Variants in SDCCAG8 observed in about 807,000 individuals in gnomAD.
SDCCAG8 encodes serologically defined colon cancer antigen 8.
A neutral mutation model predicts 101.8 loss-of-function variants in SDCCAG8; 74 were observed. The observed-to-expected ratio is 0.73, with a 90% confidence interval of 0.60 to 0.88. The LOEUF (loss-of-function observed/expected upper bound fraction) is 0.88, where lower values mean the gene tolerates loss of function less well. SDCCAG8 is among the 40% of genes least tolerant of loss of function. The pLI is 0.00. For synonymous variants in SDCCAG8, 281 were observed against 292.9 expected (o/e 0.96, Z 0.41); for missense variants, 787 against 822.6 (o/e 0.96, Z 0.53).
In SDCCAG8 at chr1:243,426,570, T is replaced by A; in HGVS notation, c.1985+12T>A. 6.2e-7 allele frequency: 1 copy of A among 1,613,856 alleles called. No individual in the cohort carries two copies. The highest frequency in any genetic ancestry group is 8.5e-7 in the Non-Finnish European group (1 of 1,179,844). ...ACGATGAAGCAAAGGTAATCAAGGT[T>A]TCATGTCAACTCATGTGCCGCATAT... On this transcript the variant is annotated intron_variant, in intron 16 of 17. Coordinates refer to ENST00000366541, the MANE Select transcript of SDCCAG8 (RefSeq NM_006642.5).
At chr1:243,347,901 T>G (rs2147803264) in intron 12 of SDCCAG8, among the ~76,000 whole-genome samples, 1 of 152,228 alleles carries the variant, frequency 6.6e-6, no homozygotes, top group Admixed American at 6.5e-5. Flanking sequence ...TACAGGACCC[T>G]TTTGTTCAGA....
chr1:243,477,327 AT>A lies in SDCCAG8; in HGVS notation c.1986-11684del, dbSNP rs375006402. Reference sequence around the variant, plus strand: ...TCAACAATTTCCATTCCTCTGTCCCATTTCCTTTGCACAGTGGGGCTATCCT... The same window carrying A: ...TCAACAATTTCCATTCCTCTGTCCCATTCCTTTGCACAGTGGGGCTATCCT... On this transcript the variant is annotated intron_variant, in intron 16 of 17. Coordinates refer to ENST00000366541, the MANE Select transcript of SDCCAG8 (RefSeq NM_006642.5). 1.7e-4 allele frequency among the ~76,000 whole-genome samples: 26 copies of A among 152,222 alleles called. No homozygotes were observed. In the East Asian group the frequency reaches 5.0e-3, roughly 29 times the overall value.
chr1:243,273,962 G>A (rs2068304049), intron 3 of SDCCAG8, among the ~76,000 whole-genome samples: 1 of 152,116 alleles, frequency 6.6e-6, no homozygotes, highest in Non-Finnish European at 1.5e-5. Context: ...GAATTTATAG[G>A]ATAGAGAAGC....
At chr1:243,438,978 C>T (rs1005209601) in intron 16 of SDCCAG8, among the ~76,000 whole-genome samples, 4 of 152,100 alleles carry the variant, frequency 2.6e-5, no homozygotes, top group Non-Finnish European at 5.9e-5. Context: ...AAGATGCTGC[C>T]AATTCCTTCA....
chr1:243,499,499 A>C (rs1668967253), intron 17 of SDCCAG8, among the ~76,000 whole-genome samples: 1 of 152,252 alleles, frequency 6.6e-6, no homozygotes, highest in South Asian at 2.1e-4. Context: ...TCCTTATTTA[A>C]GAGGCAGGCG....
At chr1:243,312,551 A>G (rs1373645794) in intron 8 of SDCCAG8, among the ~76,000 whole-genome samples, 1 of 152,096 alleles carries the variant, frequency 6.6e-6, no homozygotes, top group Non-Finnish European at 1.5e-5. Context: ...TACTAAAAAT[A>G]CAAAAATAGC....
rs750647231 is a variant in SDCCAG8, at chr1:243,415,784, C to T, written c.1699C>T (p.Leu567=). 9.3e-6 allele frequency: 15 copies of T among 1,613,772 alleles called. No homozygotes were observed. Among genetic ancestry groups the T allele is most frequent in the Non-Finnish European group, 1.3e-5 (15 of 1,179,782 alleles). Residue 567 remains leucine, a synonymous_variant, in exon 14 of 18, where the codon CTG becomes TTG. Coordinates refer to ENST00000366541, the MANE Select transcript of SDCCAG8 (RefSeq NM_006642.5). ...TCAGGCCCAGCAAAGAGAGCAGGAG[C>T]TGACACAGAAGATACAGCAAATGGA... is the stretch of plus-strand genomic sequence containing the variant. ...ALQAQQREQE[L]TQKIQQMEAQ...
rs574223019 is a variant in SDCCAG8, at chr1:243,317,705, C to T, written c.1068+812C>T. 2.7e-4 allele frequency among the ~76,000 whole-genome samples: 41 copies of T among 152,200 alleles called. No homozygotes were observed. In the South Asian group the frequency reaches 7.9e-3, roughly 29 times the overall value. On this transcript the variant is annotated intron_variant, in intron 9 of 17. Transcript: ENST00000366541. ...TAACAGTTTATACTTAGTGATCGGA[C>T]GGTGTTATAGGCACTTTGAAGAATA...
At chr1:243,373,663 T>C (rs2147890161) in intron 12 of SDCCAG8, among the ~76,000 whole-genome samples, 1 of 152,214 alleles carries the variant, frequency 6.6e-6, no homozygotes, top group Middle Eastern at 3.4e-3. Context: ...AACATAAATC[T>C]ATTTATGATT....
chr1:243,498,878 C>A (rs551640511), intron 17 of SDCCAG8, among the ~76,000 whole-genome samples: 1 of 152,202 alleles, frequency 6.6e-6, no homozygotes, highest in Non-Finnish European at 1.5e-5. Context: ...CCCTGCAGTG[C>A]GTCCCAATTT....
At chr1:243,344,148 G>A (rs2075555596) in intron 11 of SDCCAG8, 67 bp from the exon 12 acceptor site, 1 of 1,297,524 alleles carries the variant, frequency 7.7e-7, no homozygotes, top group African/African-American at 1.5e-5. Context: ...GGCACCAAAA[G>A]ATCTAATTGC....
chr1:243,329,547 G>A (rs1025280455), intron 9 of SDCCAG8, among the ~76,000 whole-genome samples: 3 of 152,110 alleles, frequency 2.0e-5, no homozygotes, highest in Admixed American at 2.0e-4. Flanking sequence ...TGAGACCTGG[G>A]GTTCTTTCTA....
At chr1:243,485,221 ACATCT>A (rs1485820142) in intron 16 of SDCCAG8, among the ~76,000 whole-genome samples, 10 of 152,214 alleles carry the variant, frequency 6.6e-5, no homozygotes, top group African/African-American at 2.4e-4. Context: ...AAGTTAATTA[ACATCT>A]CAGCTTGTTT....
chr1:243,349,189 A>C (rs963316213), intron 12 of SDCCAG8, among the ~76,000 whole-genome samples: 1 of 152,172 alleles, frequency 6.6e-6, no homozygotes, highest in Non-Finnish European at 1.5e-5. Flanking sequence ...TTGCATACTA[A>C]TATATGTGTA....
chr1:243,471,603 T>C (rs1328901324), intron 16 of SDCCAG8, among the ~76,000 whole-genome samples: 2 of 151,976 alleles, frequency 1.3e-5, no homozygotes, highest in Admixed American at 6.6e-5. Context: ...GCTGCCCTGC[T>C]ATCAGGGGTT....
At chr1:243,484,810 C>A (rs2148242572) in intron 16 of SDCCAG8, among the ~76,000 whole-genome samples, 1 of 152,302 alleles carries the variant, frequency 6.6e-6, no homozygotes, top group East Asian at 1.9e-4. Context: ...CTTTGGGAGG[C>A]CAAGGCGGGC....
At chr1:243,306,083 C>CT (rs1553303253) in intron 7 of SDCCAG8, 3 of 49,700 alleles carry the variant, frequency 6.0e-5, no homozygotes, top group East Asian at 1.0e-3. Context: ...GAGACTCCAT[C>CT]TAAAAAAAAA....
chr1:243,340,883 G>A (rs776472579), intron 10 of SDCCAG8, among the ~76,000 whole-genome samples, 156 bp from the exon 11 acceptor site: 1 of 152,186 alleles, frequency 6.6e-6, no homozygotes, highest in Admixed American at 6.5e-5. Context: ...CTGGGCATAG[G>A]TGAATAGAGG....
chr1:243,396,362 A>G lies in SDCCAG8; in HGVS notation c.1616+17499A>G, dbSNP rs1407536987. On this transcript the variant is annotated intron_variant, in intron 13 of 17. Transcript: ENST00000366541. ...GTGTTTGCTTGGCAGCATATATTTG[A>G]ACATTAGTGAAACAGAACTTTGTTT... is the stretch of plus-strand genomic sequence containing the variant. Among the ~76,000 whole-genome samples, 4 of 152,196 alleles carry G rather than the reference A, an allele frequency of 2.6e-5. No homozygotes were observed. The East Asian group carries it at 7.7e-4, about 29-fold the overall frequency.
Sources: gnomAD v4.1 joint callset for allele counts (sites outside exome capture counted in the v4.1 genomes callset) on GRCh38, gnomAD v4.1.1 for gene constraint, MANE v1.5 for transcripts, NCBI Gene and HGNC (gene_info 2026-07-23, HGNC 2026-07-21) for gene names.